Variants in PRCP observed in about 807,000 individuals in gnomAD.
The protein encoded by PRCP is prolylcarboxypeptidase.
Under a neutral mutation model 54.2 loss-of-function variants are expected in PRCP, and 46 were observed. That is an observed-to-expected ratio of 0.85 (90% CI 0.67 to 1.09). PRCP has a LOEUF of 1.09. PRCP is among the 50% of genes least tolerant of loss of function. PRCP has a pLI of 0.00. For synonymous variants in PRCP, 240 were observed against 212.2 expected, an observed-to-expected ratio of 1.13 and a Z score of -1.14; for missense variants, 613 against 596.8, an observed-to-expected ratio of 1.03 and a Z score of -0.28.
At chr11:82,853,999 A>T (rs894465801) in intron 2 of PRCP, among the ~76,000 whole-genome samples, 5 of 152,352 alleles carry the variant, frequency 3.3e-5, no homozygotes, top group Admixed American at 3.3e-4. Flanking sequence ...TTGAAGGAAC[A>T]TACCGCAACA....
chr11:82,845,015 CA>C (rs1359534238), intron 6 of PRCP, among the ~76,000 whole-genome samples: 4 of 137,308 alleles, frequency 2.9e-5, no homozygotes, highest in South Asian at 5.0e-4. Context: ...AATCATAAAA[CA>C]TTAAAAGTAT....
At chr11:82,868,061 T>C (rs973893008) in intron 1 of PRCP, among the ~76,000 whole-genome samples, 3 of 152,132 alleles carry the variant, frequency 2.0e-5, no homozygotes, top group African/African-American at 7.2e-5. Context: ...CCCCTTCTTT[T>C]TAAAGTCAGG....
chr11:82,857,769 A>G (rs1317221414), intron 2 of PRCP, among the ~76,000 whole-genome samples: 1 of 152,224 alleles, frequency 6.6e-6, no homozygotes, highest in Admixed American at 6.5e-5. Context: ...TTAACCAGAT[A>G]TTTGTGATGG....
rs768800053 is a variant in PRCP at position 82,839,287 on chromosome 11, G to A, written c.1060C>T (p.Leu354=). The stretch of plus-strand genomic sequence containing the variant: ...TGATAGCTCCAACCCAGTGTTCCCA[G>A]ACTGCTAGTTGCTGTCTCTGAAATA... ...LNISETATSS[L]GTLGWSYQAC... The change falls in exon 7 of 9, where the codon CTG becomes TTG. Residue 354 remains leucine, a synonymous_variant. Coordinates refer to ENST00000313010, the MANE Select transcript of PRCP (RefSeq NM_005040.4). The A allele has an allele frequency of 2.5e-6, 4 of 1,613,822 alleles. No individual in the cohort carries two copies. The South Asian group carries it at 4.4e-5, about 18-fold the overall frequency.
chr11:82,900,034 A>G (rs1860224304), intron 1 of PRCP: 4 of 650,706 alleles, frequency 6.1e-6, no homozygotes, highest in Non-Finnish European at 7.7e-6. Flanking sequence ...CAAAACTACT[A>G]CCAAATTATT....
intron 1 of PRCP, among the ~76,000 whole-genome samples, chr11:82,866,433 T>C (rs1338188531): frequency 6.6e-6 from 1 of 152,204 alleles, no homozygotes. Flanking sequence ...CTGCTCCTCT[T>C]TACACATACT....
chr11:82,859,853 A>AT, intron 2 of PRCP, 124 bp downstream of exon 2: 1 of 990,036 alleles, frequency 1.0e-6, no homozygotes, highest in South Asian at 2.7e-5. Flanking sequence ...TTTTTTTGTT[A>AT]TTTTTTACAG....
chr11:82,898,530 A>C (rs1216649105), intron 1 of PRCP, among the ~76,000 whole-genome samples: 1 of 152,210 alleles, frequency 6.6e-6, no homozygotes. Flanking sequence ...ATAGTTGTAT[A>C]TAAAATCCCA....
At chr11:82,875,295 T>C (rs1859578364) in intron 1 of PRCP, among the ~76,000 whole-genome samples, 1 of 152,222 alleles carries the variant, frequency 6.6e-6, no homozygotes, top group Admixed American at 6.5e-5. Context: ...TGAGTTGAAC[T>C]GGAAGAACTG....
chr11:82,835,720 T>G (rs535074244), intron 8 of PRCP: 12 of 334,736 alleles, frequency 3.6e-5, no homozygotes, highest in Admixed American at 2.3e-4. Context: ...TGAACTTCTT[T>G]AATCAGAAGA....
At position 82,848,955 on chromosome 11, in the gene PRCP, T is replaced by C. The variant is rs1054905786; in HGVS notation, c.921+94A>G. On this transcript the variant is annotated intron_variant, in intron 6 of 8. Transcript: ENST00000313010. The stretch of plus-strand genomic sequence containing the variant: ...TTTGACAAACTCTGGAGCCCCTTTG[T>C]CACTGGGACTTTCTCTGAGGCAGAA... The C allele has an allele frequency of 9.2e-6, 12 of 1,305,358 alleles. No homozygotes were observed. In the African/African-American group the frequency reaches 1.7e-4, roughly 18 times the overall value. 80.9% of individuals were successfully genotyped at this position (1,305,358 alleles called of 1,614,324 possible). A position where few individuals can be genotyped will look rare whatever the true frequency, so the allele number is the denominator to read the frequency against.
chr11:82,830,035 AC>A (rs1356148038), intron 8 of PRCP: 33 of 152,124 alleles, frequency 2.2e-4, no homozygotes, highest in Admixed American at 2.2e-3. Flanking sequence ...TAAGTTACTG[AC>A]CCCTGTGAAC....
intron 1 of PRCP, among the ~76,000 whole-genome samples, chr11:82,865,568 T>C (rs144580078): frequency 6.6e-6 from 1 of 152,292 alleles, no homozygotes; most frequent in East Asian, 1.9e-4. Context: ...AGACATCTAA[T>C]AACAGTTAAC....
At chr11:82,891,931 A>T (rs1253924246) in intron 1 of PRCP, among the ~76,000 whole-genome samples, 1 of 152,242 alleles carries the variant, frequency 6.6e-6, no homozygotes, top group Non-Finnish European at 1.5e-5. Flanking sequence ...TTTTATAGAC[A>T]TACCACAAGT....
At chr11:82,874,863 G>A (rs1859567139) in intron 1 of PRCP, among the ~76,000 whole-genome samples, 1 of 151,878 alleles carries the variant, frequency 6.6e-6, no homozygotes, top group Admixed American at 6.6e-5. Flanking sequence ...AATGTCCTGG[G>A]GGTTCTATTC....
At chr11:82,882,246 C>T (rs750262749) in intron 1 of PRCP, among the ~76,000 whole-genome samples, 9 of 152,020 alleles carry the variant, frequency 5.9e-5, no homozygotes, top group Non-Finnish European at 1.2e-4. Context: ...TAAGTGGACA[C>T]GTGCAGTTCA....
intron 1 of PRCP, among the ~76,000 whole-genome samples, chr11:82,890,112 A>T (rs1443711196): frequency 6.6e-6 from 1 of 152,232 alleles, no homozygotes; most frequent in East Asian, 1.9e-4. Flanking sequence ...AACTGAATGT[A>T]GCTAGAGAAA....
At chr11:82,882,556 C>T (rs1345738433) in intron 1 of PRCP, among the ~76,000 whole-genome samples, 2 of 142,290 alleles carry the variant, frequency 1.4e-5, no homozygotes, top group East Asian at 2.0e-4. Context: ...AGTGCAGTGG[C>T]GCAATCTCGG....
At chr11:82,826,661 T>C (rs909390804) in intron 8 of PRCP, 3 of 152,220 alleles carry the variant, frequency 2.0e-5, no homozygotes, top group Middle Eastern at 3.2e-3. Context: ...AAGTATTAAA[T>C]GGTATTTCAC....
Sources: allele counts gnomAD v4.1 joint callset (sites outside exome capture counted in the v4.1 genomes callset), GRCh38; gene constraint gnomAD v4.1.1; transcripts MANE v1.5; gene names NCBI Gene and HGNC (gene_info 2026-07-23, HGNC 2026-07-21).